The following UHRF1 variants were observed in gnomAD, a reference collection of about 807,000 sequenced individuals.
UHRF1 encodes ubiquitin like with PHD and ring finger domains 1, also known as E3 ubiquitin-protein ligase UHRF1.
A neutral mutation model predicts 96.5 loss-of-function variants in UHRF1; 9 were observed. That is an observed-to-expected ratio of 0.09 (90% confidence interval 0.06 to 0.16). UHRF1 has a LOEUF of 0.16. UHRF1 is among the 10% of genes least tolerant of loss of function. The pLI is 1.00. For missense variants in UHRF1, 626 were observed against 1,131.1 expected (o/e 0.55, Z 6.40); for synonymous variants, 455 against 469.9 (o/e 0.97, Z 0.41).
chr19:4,960,859 A>T lies in UHRF1; in HGVS notation c.*56A>T. The T allele has an allele frequency of 1.0e-6, 1 of 970,028 alleles. No homozygotes were observed. Among genetic ancestry groups the T allele is most frequent in the South Asian group, 1.6e-5 (1 of 63,360 alleles). The allele number at this position is 970,028 out of a possible 1,614,324, so 60.1% of individuals were successfully genotyped here. A position where few individuals can be genotyped will look rare whatever the true frequency, so the allele number is the denominator to read the frequency against. On this transcript the variant is annotated 3_prime_UTR_variant, in exon 17 of 17. Transcript: ENST00000650932. ...TGAAAACGTGTCGGAGGGCTCGTTC[A>T]TCGGCACTGATTTTGTTCTTAGTGG...
chr19:4,951,033 A>G (rs1568181447), intron 13 of UHRF1, 37 bp downstream of exon 13: 11 of 1,551,026 alleles, frequency 7.1e-6, no homozygotes, highest in Non-Finnish European at 9.6e-6. Context: ...TTGGGAGGCC[A>G]AGGCGGATGG....
intron 11 of UHRF1, 97 bp from the exon 12 acceptor site, chr19:4,950,514 G>T (rs904008994): frequency 2.2e-6 from 3 of 1,358,780 alleles, no homozygotes; most frequent in South Asian, 2.9e-5. Context: ...AAAGTGCTGG[G>T]ATTACAGGCC....
At chr19:4,958,319 AG>A (rs1293433346) in intron 16 of UHRF1, among the ~76,000 whole-genome samples, 1 of 152,208 alleles carries the variant, frequency 6.6e-6, no homozygotes, top group Non-Finnish European at 1.5e-5. Context: ...GGCCACAGTG[AG>A]AAGGGGCCTG....
chr19:4,916,003 C>T (rs557270442), intron 2 of UHRF1, among the ~76,000 whole-genome samples: 4 of 152,192 alleles, frequency 2.6e-5, no homozygotes, highest in East Asian at 1.9e-4. Context: ...TTATGTCTGC[C>T]GGCTGTTAGT....
chr19:4,948,101 CAA>C (rs545933981), intron 11 of UHRF1, among the ~76,000 whole-genome samples: 1,349 of 75,674 alleles, frequency 0.018, 16 homozygotes, highest in African/African-American at 0.057. Flanking sequence ...GAGATCTTGT[CAA>C]AAAAAAAAAA....
chr19:4,952,775 C>T (rs539739449), intron 13 of UHRF1, among the ~76,000 whole-genome samples: 4 of 151,896 alleles, frequency 2.6e-5, no homozygotes, highest in East Asian at 1.9e-4. Flanking sequence ...GAGAGTCAGA[C>T]GTGACTTATA....
chr19:4,924,016 G>C (rs150576151), intron 2 of UHRF1, among the ~76,000 whole-genome samples: 2 of 152,150 alleles, frequency 1.3e-5, no homozygotes, highest in Non-Finnish European at 2.9e-5. Context: ...ACCCACGCTG[G>C]AGTGCAGTGG....
intron 2 of UHRF1, among the ~76,000 whole-genome samples, chr19:4,916,740 C>T (rs182954211): frequency 1.1e-4 from 17 of 152,332 alleles, no homozygotes; most frequent in African/African-American, 2.2e-4. Context: ...CTGTCTTGCC[C>T]GCACCTGAGG....
chr19:4,932,856 C>T lies in UHRF1; in HGVS notation c.685C>T (p.Pro229Ser). 1 of 1,613,892 alleles carries T rather than the reference C, an allele frequency of 6.2e-7. No homozygotes were observed. Among genetic ancestry groups the T allele is most frequent in the Non-Finnish European group, 8.5e-7 (1 of 1,179,892 alleles). The change falls in exon 5 of 17, where the codon CCC (proline) becomes TCC (serine). Residue 229 changes from proline to serine, a missense_variant. Pro to Ser is a moderately conservative substitution (Grantham distance 74). Transcript: ENST00000650932. Reference protein sequence around the residue: ...VGQVVMLNYNPDNPKERGFWY... With the variant: ...VGQVVMLNYNSDNPKERGFWY... ...CCAGGTGGTCATGCTCAACTACAAC[C>T]CCGACAACCCCAAGGAGCGGGGCTT... is the stretch of plus-strand genomic sequence containing the variant.
chr19:4,933,176 C>T (rs547819813), intron 5 of UHRF1, among the ~76,000 whole-genome samples: 13 of 152,320 alleles, frequency 8.5e-5, no homozygotes, highest in Admixed American at 7.8e-4. Context: ...GCCCAGGGAA[C>T]TGTCTCTGAC....
At chr19:4,938,574 C>T (rs2033284152) in intron 5 of UHRF1, among the ~76,000 whole-genome samples, 1 of 151,110 alleles carries the variant, frequency 6.6e-6, no homozygotes, top group Non-Finnish European at 1.5e-5. Flanking sequence ...GTCACCCATG[C>T]TGGAGTGCAG....
chr19:4,928,418 C>T (rs778537981), intron 2 of UHRF1, among the ~76,000 whole-genome samples: 4 of 152,060 alleles, frequency 2.6e-5, no homozygotes, highest in East Asian at 1.9e-4. Flanking sequence ...CAAAATGCCT[C>T]GGCTTCTCCA....
intron 11 of UHRF1, among the ~76,000 whole-genome samples, chr19:4,948,967 C>CAAAAAA (rs55757803): frequency 3.5e-4 from 18 of 51,192 alleles, no homozygotes; most frequent in Non-Finnish European, 5.3e-4. Context: ...ACTAAGAATA[C>CAAAAAA]AAAAAAAAAA....
chr19:4,948,265 AAAAGTATGTG>A (rs1427553997), intron 11 of UHRF1, among the ~76,000 whole-genome samples: 4 of 152,174 alleles, frequency 2.6e-5, no homozygotes, highest in African/African-American at 9.6e-5. Flanking sequence ...TTTTATTTGC[AAAAGTATGTG>A]ATAGGCCAGA....
intron 5 of UHRF1, among the ~76,000 whole-genome samples, chr19:4,933,255 G>A (rs1477645081): frequency 1.3e-5 from 2 of 152,120 alleles, no homozygotes; most frequent in Admixed American, 6.6e-5. Flanking sequence ...TCGCTCTGTT[G>A]CCCAGGCTGG....
chr19:4,919,644 G>A (rs1057413630), intron 2 of UHRF1, among the ~76,000 whole-genome samples: 3 of 151,838 alleles, frequency 2.0e-5, no homozygotes, highest in African/African-American at 4.8e-5. Context: ...TGCCAAAAAC[G>A]GCAAGTGGGT....
rs552104765 is a variant in UHRF1, at chr19:4,952,463, G to A, written c.1818+1467G>A. Among the ~76,000 whole-genome samples the A allele has an allele frequency of 5.0e-5, 7 of 139,708 alleles. No homozygotes were observed. In the South Asian group the frequency reaches 9.0e-4, roughly 18 times the overall value. 91.7% of individuals were successfully genotyped at this position (139,708 alleles called of 152,430 possible). The stretch of plus-strand genomic sequence containing the variant: ...CAGGCTGGAGTGCAGGCATGATCTC[G>A]GCTCATTGCAACCTCCACCTCCCAG... On this transcript the variant is annotated intron_variant, in intron 13 of 16. Transcript: ENST00000650932.
intron 9 of UHRF1, among the ~76,000 whole-genome samples, chr19:4,945,167 A>G (rs1234796712): frequency 6.6e-6 from 1 of 152,210 alleles, no homozygotes; most frequent in Non-Finnish European, 1.5e-5. Context: ...GGGCCTCTCA[A>G]GGCATTTTGT....
In UHRF1 at chr19:4,931,007, TC is replaced by T. The variant is rs1185913451; in HGVS notation, c.569+133del. 10 of 1,258,518 alleles carry T rather than the reference TC, an allele frequency of 7.9e-6. No individual in the cohort carries two copies. The African/African-American group carries it at 1.2e-4, about 15-fold the overall frequency. The allele number at this position is 1,258,518 out of a possible 1,614,324, so 78.0% of individuals were successfully genotyped here. ...AGGATCTGGGGCCCCATCCTCGAAT[TC>T]CTAACAGCATACGAGGCTGCCCACT... On this transcript the variant is annotated intron_variant, in intron 4 of 16. Coordinates refer to ENST00000650932, the MANE Select transcript of UHRF1 (RefSeq NM_001048201.3).
Sources: allele counts gnomAD v4.1 joint callset (sites outside exome capture counted in the v4.1 genomes callset), GRCh38; gene constraint gnomAD v4.1.1; transcripts MANE v1.5; gene names NCBI Gene and HGNC (gene_info 2026-07-23, HGNC 2026-07-21).